The following EML5 variants were observed in gnomAD, a reference collection of about 807,000 sequenced individuals.
The protein encoded by EML5 is EMAP like 5.
Under a neutral mutation model 250.0 loss-of-function variants are expected in EML5, and 120 were observed. The observed-to-expected ratio is 0.48, with a 90% CI of 0.41 to 0.56. EML5 has a LOEUF of 0.56. Ranked by LOEUF, EML5 falls within the 20% of genes least tolerant of loss-of-function variation. The pLI is 0.00. For synonymous variants in EML5, 771 were observed against 806.5 expected (o/e 0.96, Z 0.75); for missense variants, 2,006 against 2,437.6 (o/e 0.82, Z 3.73).
chr14:88,688,319 T>G lies in EML5; in HGVS notation c.2694A>C (p.Thr898=). Residue 898 remains threonine (T), a synonymous_variant, in exon 18 of 44, where the codon ACA becomes ACC. Transcript: ENST00000554922. ...ACACTGGCCCATCATGCGCTTTCACTGTTTTTACAAGAAAGATGTCTCTCC... is the reference window on the plus strand; with the variant it reads ...ACACTGGCCCATCATGCGCTTTCACGGTTTTTACAAGAAAGATGTCTCTCC... ...CIWRDIFLVK[T]VKAHDGPVFS... The G allele has an allele frequency of 6.2e-7, 1 of 1,614,022 alleles. No homozygotes were observed. The highest frequency in any genetic ancestry group is 8.5e-7 in the Non-Finnish European group (1 of 1,179,908).
At chr14:88,769,538 A>T (rs533733403) in intron 1 of EML5, among the ~76,000 whole-genome samples, 1 of 152,220 alleles carries the variant, frequency 6.6e-6, no homozygotes, top group Non-Finnish European at 1.5e-5. Flanking sequence ...AGAAAAGACA[A>T]TATCTAAAAG....
intron 33 of EML5, among the ~76,000 whole-genome samples, chr14:88,629,971 A>G (rs2090337203): frequency 6.6e-6 from 1 of 151,918 alleles, no homozygotes; most frequent in African/African-American, 2.4e-5. Flanking sequence ...AAAGTTTTAA[A>G]GGATATTCTT....
chr14:88,624,773 G>GA (rs1306599874), intron 36 of EML5, 197 bp downstream of exon 36: 5 of 613,220 alleles, frequency 8.2e-6, no homozygotes, highest in Non-Finnish European at 1.3e-5. Context: ...ACCCCAACAT[G>GA]AAAAAAATTG....
At chr14:88,682,575 G>C (rs562254760) in intron 20 of EML5, among the ~76,000 whole-genome samples, 104 of 152,198 alleles carry the variant, frequency 6.8e-4, no homozygotes, top group African/African-American at 2.4e-3. Flanking sequence ...CATCTGGTTG[G>C]AAACTCCGAG....
chr14:88,777,814 A>G (rs1043900169), intron 1 of EML5, among the ~76,000 whole-genome samples: 1 of 152,164 alleles, frequency 6.6e-6, no homozygotes, highest in Non-Finnish European at 1.5e-5. Flanking sequence ...ATCTCTACAA[A>G]AACTACAAAA....
At chr14:88,737,139 A>G (rs2093853368) in intron 6 of EML5, among the ~76,000 whole-genome samples, 2 of 152,176 alleles carry the variant, frequency 1.3e-5, no homozygotes, top group African/African-American at 4.8e-5. Context: ...CTCACCAAAC[A>G]GTGAGTACAG....
intron 1 of EML5, among the ~76,000 whole-genome samples, chr14:88,791,804 G>T (rs967996059): frequency 4.6e-5 from 7 of 152,150 alleles, no homozygotes; most frequent in Non-Finnish European, 1.0e-4. Context: ...GGTGAAACCT[G>T]AACTAATAAT....
At chr14:88,732,751 G>A (rs2093780332) in intron 7 of EML5, among the ~76,000 whole-genome samples, 1 of 152,136 alleles carries the variant, frequency 6.6e-6, no homozygotes, top group South Asian at 2.1e-4. Context: ...CAGTGGTTAA[G>A]TTTTGTTGTG....
intron 2 of EML5, among the ~76,000 whole-genome samples, chr14:88,752,376 C>A (rs2094109087): frequency 1.3e-5 from 2 of 151,994 alleles, no homozygotes; most frequent in Admixed American, 1.3e-4. Flanking sequence ...TGTTTTATAA[C>A]ATTTTATGCT....
intron 11 of EML5, 50 bp downstream of exon 11, chr14:88,706,209 C>A: frequency 6.7e-7 from 1 of 1,484,854 alleles, no homozygotes. Flanking sequence ...TTGGGGGTTA[C>A]TGAAGAATTA....
rs975751727 is a variant in EML5, at chr14:88,792,270, T to C, written c.197+37A>G. 2.0e-6 allele frequency: 3 copies of C among 1,537,696 alleles called. No homozygotes were observed. The highest frequency in any genetic ancestry group is 2.5e-5 in the East Asian group (1 of 40,208). On this transcript the variant is annotated intron_variant, in intron 1 of 43. Coordinates refer to ENST00000554922, the MANE Select transcript of EML5 (RefSeq NM_183387.3). The surrounding 1 kb of genome is among the most constrained non-coding windows in gnomAD (Gnocchi z 6.9). ...CGCGGGTGCAAACTCCGGGAGCGGCTTGCAGGGTGACGGCGGCGGCCCCCG... is the reference window on the plus strand; with the variant it reads ...CGCGGGTGCAAACTCCGGGAGCGGCCTGCAGGGTGACGGCGGCGGCCCCCG...
chr14:88,625,199 A>G (rs1242731303), intron 35 of EML5, 72 bp from the exon 36 acceptor site: 2 of 1,531,770 alleles, frequency 1.3e-6, no homozygotes, highest in Admixed American at 1.8e-5. Context: ...ATAATTTTCT[A>G]TGTATGTGTA....
intron 1 of EML5, among the ~76,000 whole-genome samples, chr14:88,785,674 C>G (rs958826979): frequency 8.5e-5 from 13 of 152,142 alleles, no homozygotes; most frequent in African/African-American, 2.9e-4. Context: ...ATTAGTAAAT[C>G]ATGCTACCTC....
At chr14:88,781,231 GA>G (rs1447628779) in intron 1 of EML5, among the ~76,000 whole-genome samples, 5 of 152,186 alleles carry the variant, frequency 3.3e-5, no homozygotes, top group Non-Finnish European at 5.9e-5. Flanking sequence ...CTCTGACCCA[GA>G]AGCTGGTGTG....
At chr14:88,783,186 A>T (rs764174194) in intron 1 of EML5, among the ~76,000 whole-genome samples, 1 of 152,228 alleles carries the variant, frequency 6.6e-6, no homozygotes, top group African/African-American at 2.4e-5. Flanking sequence ...TCTGCTAGGG[A>T]AGTGCATAAA....
At chr14:88,740,623 A>G (rs2093911019) in intron 4 of EML5, 51 bp from the exon 5 acceptor site, 1 of 1,455,290 alleles carries the variant, frequency 6.9e-7, no homozygotes, top group Admixed American at 2.2e-5. Context: ...TATAAAATAA[A>G]GTAAAACATT....
chr14:88,712,229 C>T (rs762029616), intron 10 of EML5, 42 bp downstream of exon 10: 2 of 1,387,436 alleles, frequency 1.4e-6, no homozygotes, highest in African/African-American at 2.9e-5. Flanking sequence ...CGAAAGTCTT[C>T]TGTGAGAGAG....
At chr14:88,747,816 G>GA (rs1274240855) in intron 2 of EML5, among the ~76,000 whole-genome samples, 1 of 152,134 alleles carries the variant, frequency 6.6e-6, no homozygotes, top group Non-Finnish European at 1.5e-5. Context: ...GAAAGTATGA[G>GA]AGAGGTTTAA....
intron 20 of EML5, 124 bp from the exon 21 acceptor site, chr14:88,682,155 A>G: frequency 9.9e-7 from 1 of 1,007,452 alleles, no homozygotes; most frequent in Non-Finnish European, 1.3e-6. Context: ...ATAGTGAGTA[A>G]ATCTATCAAA....
Sources: gnomAD v4.1 joint callset for allele counts (sites outside exome capture counted in the v4.1 genomes callset) on GRCh38, gnomAD v4.1.1 for gene constraint, Gnocchi (gnomAD v3.1) non-coding constraint, MANE v1.5 for transcripts, NCBI Gene and HGNC (gene_info 2026-07-23, HGNC 2026-07-21) for gene names.